The following ANXA13 variants were observed in gnomAD, a reference collection of about 807,000 sequenced individuals.
The protein encoded by ANXA13 is annexin XIII.
Under a neutral mutation model 46.6 loss-of-function variants are expected in ANXA13, and 36 were observed. The ratio of observed to expected loss-of-function variants is 0.77; its 90% confidence interval spans 0.59 to 1.02. The LOEUF (loss-of-function observed/expected upper bound fraction) is 1.02. ANXA13 is among the 50% of genes least tolerant of loss of function. ANXA13 has a pLI of 0.00. For synonymous variants in ANXA13, 163 were observed against 152.9 expected, an observed-to-expected ratio of 1.07 and a Z score of -0.49; for missense variants, 417 against 396.5, an observed-to-expected ratio of 1.05 and a Z score of -0.44.
intron 1 of ANXA13, among the ~76,000 whole-genome samples, chr8:123,736,514 A>G (rs1814270944): frequency 6.6e-6 from 1 of 152,200 alleles, no homozygotes; most frequent in African/African-American, 2.4e-5. Context: ...AGTCCATTCC[A>G]TGGATATTTG....
Position 123,685,968 on chromosome 8 carries a change from G to A in ANXA13, c.719-1246C>T, listed in dbSNP as rs1358321282. Among the ~76,000 whole-genome samples the A allele has an allele frequency of 2.0e-5, 3 of 152,192 alleles. No individual in the cohort carries two copies. In the East Asian group the frequency reaches 5.8e-4, roughly 29 times the overall value. On this transcript the variant is annotated intron_variant, in intron 9 of 10. Transcript: ENST00000419625. ...CCTCTTCCATACAGCACGGCTTGATGTGGGGATCATTGTCTGCCTGAAGTC... is the reference window on the plus strand; with the variant it reads ...CCTCTTCCATACAGCACGGCTTGATATGGGGATCATTGTCTGCCTGAAGTC...
intron 8 of ANXA13, among the ~76,000 whole-genome samples, chr8:123,689,165 A>G (rs911214196): frequency 4.6e-5 from 7 of 151,686 alleles, no homozygotes; most frequent in African/African-American, 1.7e-4. Flanking sequence ...TTGACTCCCA[A>G]TGGATTTGAC....
At chr8:123,721,846 A>G (rs761397574) in intron 1 of ANXA13, among the ~76,000 whole-genome samples, 1 of 152,184 alleles carries the variant, frequency 6.6e-6, no homozygotes, top group African/African-American at 2.4e-5. Flanking sequence ...TGGGGTAGGT[A>G]TTATTACCTC....
chr8:123,696,970 C>T (rs925156759), intron 4 of ANXA13, among the ~76,000 whole-genome samples: 21 of 152,200 alleles, frequency 1.4e-4, no homozygotes, highest in African/African-American at 5.1e-4. Context: ...AGTGCAGTGG[C>T]ACAATCTTGG....
intron 4 of ANXA13, among the ~76,000 whole-genome samples, chr8:123,696,996 G>C (rs1490840313): frequency 6.6e-6 from 1 of 152,174 alleles, no homozygotes; most frequent in African/African-American, 2.4e-5. Flanking sequence ...TGCAACCTCC[G>C]CCTCCCGGGT....
At position 123,702,649 on chromosome 8, in the gene ANXA13, T is replaced by C. The variant is rs1167185707; in HGVS notation, c.179A>G (p.Tyr60Cys). 1 of 1,614,068 alleles carries C rather than the reference T, an allele frequency of 6.2e-7. No homozygotes were observed. Among genetic ancestry groups the C allele is most frequent in the South Asian group, 1.1e-5 (1 of 91,074 alleles). The change falls in exon 3 of 11, where the codon TAC (tyrosine) becomes TGC (cysteine). Residue 60 changes from tyrosine to cysteine, a missense_variant. Coordinates refer to ENST00000419625, the MANE Select transcript of ANXA13 (RefSeq NM_004306.4). The stretch of plus-strand genomic sequence containing the variant: ...GACCACCCCTGGAATCACCTTGCCG[T>C]ACGTTGCCTTGTACTTTTGCTTGAT... ...QQIKQKYKAT[Y>C]GKELEEVLKS...
rs530907399 is a variant in ANXA13, at chr8:123,701,451, C to G, written c.186+1191G>C. Among the ~76,000 whole-genome samples the G allele has an allele frequency of 3.5e-4, 53 of 152,176 alleles. 1 individual carries two copies. The South Asian group carries it at 9.9e-3, about 29-fold the overall frequency. ...TGCCACTACACTCCAGCCTGGGCAA[C>G]AGAGTGAGACTCCGTCTCAAAACAA... On this transcript the variant is annotated intron_variant, in intron 3 of 10. Coordinates refer to ENST00000419625, the MANE Select transcript of ANXA13 (RefSeq NM_004306.4).
At chr8:123,699,174 A>G (rs4601291) in intron 3 of ANXA13, among the ~76,000 whole-genome samples, 46,910 of 152,052 alleles carry the variant, frequency 0.31, 7,893 homozygotes, top group African/African-American at 0.44. Context: ...TGGAATTCTT[A>G]CTGGCATCTG....
chr8:123,733,432 C>T (rs1252244460), intron 1 of ANXA13, among the ~76,000 whole-genome samples: 1 of 152,180 alleles, frequency 6.6e-6, no homozygotes, highest in African/African-American at 2.4e-5. Flanking sequence ...TATTTCCCCA[C>T]TTGTCATGCA....
At chr8:123,686,847 G>A (rs1220019653) in intron 9 of ANXA13, among the ~76,000 whole-genome samples, 1 of 152,188 alleles carries the variant, frequency 6.6e-6, no homozygotes, top group African/African-American at 2.4e-5. Flanking sequence ...GGAGCGGGGT[G>A]GGAAGTGTCT....
chr8:123,710,249 G>A (rs2129891614), intron 2 of ANXA13, among the ~76,000 whole-genome samples: 1 of 152,138 alleles, frequency 6.6e-6, no homozygotes, highest in East Asian at 1.9e-4. Flanking sequence ...AAAACATTAT[G>A]CCAAGTAAAA....
At chr8:123,728,613 G>A (rs1814048481) in intron 1 of ANXA13, 2 of 152,200 alleles carry the variant, frequency 1.3e-5, no homozygotes, top group African/African-American at 4.8e-5. Context: ...GGGCTGAGCG[G>A]GGCCTTCATG....
At chr8:123,737,035 T>A (rs1410484741) in intron 1 of ANXA13, among the ~76,000 whole-genome samples, 8 of 151,424 alleles carry the variant, frequency 5.3e-5, no homozygotes, top group Non-Finnish European at 1.2e-4. Flanking sequence ...TTTTTTTAAT[T>A]TTTTTAGTAG....
intron 1 of ANXA13, among the ~76,000 whole-genome samples, chr8:123,736,819 C>T (rs1453061746): frequency 6.7e-6 from 1 of 149,828 alleles, no homozygotes; most frequent in Non-Finnish European, 1.5e-5. Flanking sequence ...AGATTTTTGG[C>T]CAATAAGGGA....
At chr8:123,686,391 C>CAGAG (rs1463292074) in intron 9 of ANXA13, among the ~76,000 whole-genome samples, 1 of 150,446 alleles carries the variant, frequency 6.6e-6, no homozygotes, top group Non-Finnish European at 1.5e-5. Flanking sequence ...ACCCGGGAGG[C>CAGAG]AGAGGTTGCA....
intron 2 of ANXA13, among the ~76,000 whole-genome samples, chr8:123,705,937 A>G (rs138170534): frequency 0.022 from 3,330 of 152,302 alleles, 54 homozygotes; most frequent in Middle Eastern, 0.048. Flanking sequence ...GGCGACTTGG[A>G]AAGACAGGCC....
intron 1 of ANXA13, among the ~76,000 whole-genome samples, chr8:123,714,321 T>G (rs921000677): frequency 2.6e-5 from 4 of 152,102 alleles, no homozygotes; most frequent in African/African-American, 9.7e-5. Flanking sequence ...CCAAGCAGGA[T>G]TAGAGTCAAT....
At chr8:123,693,551 G>A (rs1813278536) in intron 7 of ANXA13, among the ~76,000 whole-genome samples, 160 bp downstream of exon 7, 1 of 152,136 alleles carries the variant, frequency 6.6e-6, no homozygotes. Context: ...CATTCATTTA[G>A]ATTCATGGAG....
intron 4 of ANXA13, among the ~76,000 whole-genome samples, chr8:123,698,157 G>A (rs745361127): frequency 1.7e-4 from 26 of 152,306 alleles, no homozygotes; most frequent in Non-Finnish European, 1.8e-4. Flanking sequence ...GCAGAAGCTC[G>A]CTGGACACAG....
Sources: allele counts gnomAD v4.1 joint callset (sites outside exome capture counted in the v4.1 genomes callset), GRCh38; gene constraint gnomAD v4.1.1; transcripts MANE v1.5; gene names NCBI Gene and HGNC (gene_info 2026-07-23, HGNC 2026-07-21).